FOCAD: variants seen among roughly 807,000 people sequenced by gnomAD.
FOCAD encodes the protein KIAA1797.
In FOCAD, 198 loss-of-function variants were observed where a neutral mutation model predicts 225.6. The observed-to-expected ratio is 0.88, with a 90% CI of 0.78 to 0.99. The LOEUF (loss-of-function observed/expected upper bound fraction) is 0.99, where lower values mean the gene tolerates loss of function less well. Among genes scored for constraint, FOCAD ranks in the 50% least tolerant of loss-of-function variants. The probability of loss-of-function intolerance (pLI) is 0.00; values close to 1 mark genes in which losing one functional copy is unlikely to be tolerated. For missense variants in FOCAD, 2,713 were observed against 2,123.6 expected (o/e 1.28, Z -5.46); for synonymous variants, 897 against 755.0 (o/e 1.19, Z -3.08).
chr9:20,819,635 A>G (rs2131409005), intron 11 of FOCAD, among the ~76,000 whole-genome samples, 161 bp from the exon 12 acceptor site: 1 of 152,288 alleles, frequency 6.6e-6, no homozygotes, highest in Non-Finnish European at 1.5e-5. Context: ...TAGTGACACT[A>G]TGAAATTATC....
chr9:20,901,190 CAATGTGTGTGT>C (rs1230469206), intron 21 of FOCAD, among the ~76,000 whole-genome samples: 1 of 103,420 alleles, frequency 9.7e-6, no homozygotes, highest in African/African-American at 4.1e-5. Flanking sequence ...AATGTGGAAA[CAATGTGTGTGT>C]GTGTGTGTGT....
intron 11 of FOCAD, among the ~76,000 whole-genome samples, chr9:20,811,050 GC>G (rs1330572509): frequency 3.9e-5 from 6 of 151,922 alleles, no homozygotes; most frequent in African/African-American, 1.4e-4. Context: ...AACTTTATTG[GC>G]AGATAGTAGT....
chr9:20,661,846 A>G (rs1002775851), intron 2 of FOCAD, among the ~76,000 whole-genome samples: 2 of 152,218 alleles, frequency 1.3e-5, no homozygotes, highest in African/African-American at 4.8e-5. Flanking sequence ...GATGTGGGCA[A>G]AAGCACCACT....
At position 20,819,796 on chromosome 9, in the gene FOCAD, G is replaced by T; in HGVS notation, c.1456G>T (p.Val486Leu). 6.7e-7 allele frequency: 1 copy of T among 1,501,262 alleles called. No individual in the cohort carries two copies. Among genetic ancestry groups the T allele is most frequent in the African/African-American group, 1.4e-5 (1 of 69,858 alleles). 93.0% of individuals were successfully genotyped at this position (1,501,262 alleles called of 1,614,324 possible). Residue 486 changes from valine to leucine, a missense_variant and splice_region_variant, in exon 12 of 44, where the codon GTG (valine) becomes TTG (leucine). Coordinates refer to ENST00000338382, the MANE Select transcript of FOCAD (RefSeq NM_001375567.1). The stretch of plus-strand genomic sequence containing the variant: ...AATATATTTTAAAAATTCATTTTAG[G>T]TGCCAAATCTGATTCCAGTTTTGAT... ...TELAQADSSQ[V>L]PNLIPVLMFK...
intron 2 of FOCAD, among the ~76,000 whole-genome samples, chr9:20,676,854 T>G (rs981556210): frequency 1.3e-5 from 2 of 152,066 alleles, no homozygotes; most frequent in African/African-American, 4.8e-5. Flanking sequence ...CCTAAAAAAT[T>G]TTGATAATAC....
intron 15 of FOCAD, among the ~76,000 whole-genome samples, chr9:20,839,259 CTTTTTTT>C (rs71496859): frequency 1.5e-5 from 2 of 132,782 alleles, no homozygotes; most frequent in Middle Eastern, 3.5e-3. Context: ...TTCTTTCTTT[CTTTTTTT>C]TTTTTTTTTT....
At chr9:20,700,421 C>T (rs1469445907) in intron 1 of FOCAD, among the ~76,000 whole-genome samples, 1 of 149,850 alleles carries the variant, frequency 6.7e-6, no homozygotes. Flanking sequence ...GAAAATGTAC[C>T]AAAATTTATG....
intron 15 of FOCAD, among the ~76,000 whole-genome samples, chr9:20,824,587 A>G (rs528584940): frequency 2.6e-5 from 4 of 152,062 alleles, no homozygotes; most frequent in Non-Finnish European, 5.9e-5. Context: ...AGACATCATC[A>G]TTAACTGTGG....
chr9:20,853,219 T>C (rs1434721973), intron 15 of FOCAD, among the ~76,000 whole-genome samples: 1 of 151,688 alleles, frequency 6.6e-6, no homozygotes, highest in Non-Finnish European at 1.5e-5. Context: ...ATCAATGGAA[T>C]TTGCATTGGA....
chr9:20,667,765 G>A (rs778459673), intron 2 of FOCAD, among the ~76,000 whole-genome samples: 1 of 151,864 alleles, frequency 6.6e-6, no homozygotes, highest in African/African-American at 2.4e-5. Context: ...GAAAACCTTG[G>A]ATTTCCAAAG....
At chr9:20,783,178 G>C (rs933255030) in intron 10 of FOCAD, among the ~76,000 whole-genome samples, 3 of 152,090 alleles carry the variant, frequency 2.0e-5, no homozygotes, top group Non-Finnish European at 4.4e-5. Context: ...ATAAGTACTT[G>C]GTTTACTATT....
In FOCAD at chr9:20,920,819, G is replaced by T. The variant is rs182620437; in HGVS notation, c.2853-2841G>T. On this transcript the variant is annotated intron_variant, in intron 24 of 43. Coordinates refer to ENST00000338382, the MANE Select transcript of FOCAD (RefSeq NM_001375567.1). The stretch of plus-strand genomic sequence containing the variant: ...CACACTCTGGGGACTGTTGTGGGGT[G>T]GGGGGAGTGGGGAGGGATAGCATTA... Among the ~76,000 whole-genome samples the T allele has an allele frequency of 6.3e-3, 943 of 150,868 alleles. 6 individuals carry two copies. Among genetic ancestry groups the T allele is most frequent in the Middle Eastern group, 0.024 (7 of 294 alleles).
chr9:20,662,488 C>A (rs760043384), intron 2 of FOCAD, among the ~76,000 whole-genome samples: 5 of 152,200 alleles, frequency 3.3e-5, no homozygotes, highest in Non-Finnish European at 7.3e-5. Context: ...CAATATTAGC[C>A]TCCTAAGCTC....
At chr9:20,778,037 C>CTT (rs1818952545) in intron 8 of FOCAD, among the ~76,000 whole-genome samples, 1 of 122,582 alleles carries the variant, frequency 8.2e-6, no homozygotes, top group African/African-American at 3.1e-5. Flanking sequence ...TTGCAGTGAG[C>CTT]GGAGATCGTG....
chr9:20,949,580 G>A, intron 32 of FOCAD, 24 bp from the exon 33 acceptor site: 5 of 1,443,888 alleles, frequency 3.5e-6, no homozygotes, highest in South Asian at 1.1e-5. Context: ...TGGGTGGGAT[G>A]GGTATTTCTT....
chr9:20,808,433 A>G (rs1288497240), intron 11 of FOCAD, among the ~76,000 whole-genome samples: 1 of 152,218 alleles, frequency 6.6e-6, no homozygotes, highest in Non-Finnish European at 1.5e-5. Flanking sequence ...GACCCTAAGT[A>G]TACTGGAATA....
At chr9:20,863,897 G>GT (rs759079953) in intron 16 of FOCAD, among the ~76,000 whole-genome samples, 71 of 151,920 alleles carry the variant, frequency 4.7e-4, no homozygotes, top group Non-Finnish European at 9.3e-4. Flanking sequence ...TGGTGTGTTG[G>GT]TTTTTTGTGT....
At chr9:20,770,374 C>T in intron 8 of FOCAD, 136 bp downstream of exon 8, 1 of 780,310 alleles carries the variant, frequency 1.3e-6, no homozygotes, top group Non-Finnish European at 2.0e-6. Context: ...CTGGCATCTG[C>T]TTAGCTTCTG....
At chr9:20,970,330 G>A (rs1839656338) in intron 35 of FOCAD, among the ~76,000 whole-genome samples, 1 of 151,854 alleles carries the variant, frequency 6.6e-6, no homozygotes, top group Admixed American at 6.6e-5. Context: ...TTCCTGTTAT[G>A]CCTACGTTGG....
Sources: allele counts gnomAD v4.1 joint callset (sites outside exome capture counted in the v4.1 genomes callset), GRCh38; gene constraint gnomAD v4.1.1; transcripts MANE v1.5; gene names NCBI Gene and HGNC (gene_info 2026-07-23, HGNC 2026-07-21).